The following GUCY1A2 variants were observed in gnomAD, a reference collection of about 807,000 sequenced individuals.
The protein encoded by GUCY1A2 is guanylate cyclase soluble subunit alpha-2.
A neutral mutation model predicts 63.5 loss-of-function variants in GUCY1A2; 27 were observed. That is an observed-to-expected ratio of 0.43 (90% CI 0.31 to 0.59). The LOEUF is 0.59. Ranked by LOEUF, GUCY1A2 falls within the 20% of genes least tolerant of loss-of-function variation. GUCY1A2 has a pLI of 0.11. For missense variants in GUCY1A2, 768 were observed against 913.3 expected, an observed-to-expected ratio of 0.84 and a Z score of 2.05; for synonymous variants, 364 against 343.5, an observed-to-expected ratio of 1.06 and a Z score of -0.66.
chr11:106,996,303 C>T (rs986250254), intron 1 of GUCY1A2, among the ~76,000 whole-genome samples: 3 of 152,118 alleles, frequency 2.0e-5, no homozygotes, highest in Non-Finnish European at 2.9e-5. Flanking sequence ...TGTTTAGGAG[C>T]ATATGGGCCC....
chr11:106,738,705 T>C (rs1023207955), intron 6 of GUCY1A2, among the ~76,000 whole-genome samples: 1 of 152,198 alleles, frequency 6.6e-6, no homozygotes, highest in Non-Finnish European at 1.5e-5. Context: ...TGGTGGTAGA[T>C]ATGTGGCAAT....
rs1862446946 is a variant in GUCY1A2 at position 106,682,401 on chromosome 11, C to G, written c.*5148G>C. 4.7e-6 allele frequency: 1 copy of G among 210,954 alleles called. No individual in the cohort carries two copies. The highest frequency in any genetic ancestry group is 9.6e-6 in the Non-Finnish European group (1 of 104,034). The allele number at this position is 210,954 out of a possible 1,614,324, so 13.1% of individuals were successfully genotyped here. ...ATTTTCTAAACACAGATTCCTAGGCCCTACCTGAGACCTACTGAATCCAAA... is the reference window on the plus strand; with the variant it reads ...ATTTTCTAAACACAGATTCCTAGGCGCTACCTGAGACCTACTGAATCCAAA... On this transcript the variant is annotated 3_prime_UTR_variant, in exon 8 of 8. Coordinates refer to ENST00000526355, the MANE Select transcript of GUCY1A2 (RefSeq NM_000855.3).
Position 106,776,434 on chromosome 11 carries a change from G to C in GUCY1A2, c.1836+5C>G. On this transcript the variant is annotated splice_donor_5th_base_variant and intron_variant, in intron 6 of 7. Transcript: ENST00000526355. ...CTACTCAAACTAGATTGTTGGGAGG[G>C]TTACCTGAATCGGTCTTCCATCAGG... 1.9e-6 allele frequency: 3 copies of C among 1,603,010 alleles called. No individual in the cohort carries two copies. Among genetic ancestry groups the C allele is most frequent in the African/African-American group, 2.7e-5 (2 of 74,848 alleles).
chr11:106,897,424 C>T (rs1860065844), intron 4 of GUCY1A2, among the ~76,000 whole-genome samples: 1 of 151,978 alleles, frequency 6.6e-6, no homozygotes, highest in Admixed American at 6.6e-5. Context: ...AGTTGGAGGA[C>T]TGACATTACC....
At chr11:106,730,237 C>T (rs182270215) in intron 6 of GUCY1A2, among the ~76,000 whole-genome samples, 3 of 151,398 alleles carry the variant, frequency 2.0e-5, no homozygotes, top group East Asian at 3.9e-4. Flanking sequence ...AAGCATAGTA[C>T]CTGATAGGTA....
chr11:106,968,283 C>T (rs879645701), intron 3 of GUCY1A2, among the ~76,000 whole-genome samples: 1 of 152,090 alleles, frequency 6.6e-6, no homozygotes, highest in Non-Finnish European at 1.5e-5. Context: ...TCTCGATGAT[C>T]CTACTGTACA....
chr11:106,983,959 T>C (rs1319820514), intron 2 of GUCY1A2, among the ~76,000 whole-genome samples: 2 of 152,186 alleles, frequency 1.3e-5, no homozygotes, highest in South Asian at 4.1e-4. Context: ...CACTTTTTAG[T>C]TCGAGGGTGA....
intron 3 of GUCY1A2, among the ~76,000 whole-genome samples, chr11:106,942,669 T>C (rs1275769130): frequency 3.3e-5 from 5 of 152,164 alleles, no homozygotes; most frequent in Non-Finnish European, 5.9e-5. Context: ...TTTCATAACA[T>C]TGAAAAGGTC....
Position 106,810,414 on chromosome 11 carries a change from G to A in GUCY1A2, c.1271C>T (p.Ser424Phe), listed in dbSNP as rs1411566688. The change falls in exon 5 of 8, where the codon TCT (serine) becomes TTT (phenylalanine). Residue 424 changes from serine (S) to phenylalanine (F), a missense_variant. Coordinates refer to ENST00000526355, the MANE Select transcript of GUCY1A2 (RefSeq NM_000855.3). ...TTCATCCAACTTGTCCACACATGGAGAGCCCAAAAATAAAATGGAATTTGA... is the reference window on the plus strand; with the variant it reads ...TTCATCCAACTTGTCCACACATGGAAAGCCCAAAAATAAAATGGAATTTGA... ...PESNSILFLG[S>F]PCVDKLDELM... 4 of 1,612,420 alleles carry A rather than the reference G, an allele frequency of 2.5e-6. No individual in the cohort carries two copies. Among genetic ancestry groups the A allele is most frequent in the Admixed American group, 1.7e-5 (1 of 59,668 alleles).
chr11:106,919,573 T>C (rs988582955), intron 4 of GUCY1A2, among the ~76,000 whole-genome samples: 2 of 152,014 alleles, frequency 1.3e-5, no homozygotes, highest in South Asian at 2.1e-4. Flanking sequence ...AAACTAACAA[T>C]AGACAATAAA....
chr11:106,956,798 T>A (rs552756022), intron 3 of GUCY1A2, among the ~76,000 whole-genome samples: 4 of 152,270 alleles, frequency 2.6e-5, no homozygotes, highest in Admixed American at 1.3e-4. Context: ...AATGAAGCAC[T>A]TTGTCCTTTG....
intron 6 of GUCY1A2, among the ~76,000 whole-genome samples, chr11:106,767,839 A>G (rs1864189871): frequency 6.6e-6 from 1 of 152,162 alleles, no homozygotes; most frequent in South Asian, 2.1e-4. Context: ...TCAGCACTAT[A>G]GCATCATGCC....
intron 4 of GUCY1A2, among the ~76,000 whole-genome samples, chr11:106,933,704 C>A (rs1450104448): frequency 1.3e-5 from 2 of 152,128 alleles, no homozygotes; most frequent in Non-Finnish European, 2.9e-5. Context: ...AGGTGCCCAT[C>A]AGTGGTGGAT....
chr11:106,934,821 C>T lies in GUCY1A2; in HGVS notation c.1206+4639G>A, dbSNP rs1347192414. Among the ~76,000 whole-genome samples, 4 of 152,098 alleles carry T rather than the reference C, an allele frequency of 2.6e-5. No individual in the cohort carries two copies. The East Asian group carries it at 7.7e-4, about 29-fold the overall frequency. On this transcript the variant is annotated intron_variant, in intron 4 of 7. Coordinates refer to ENST00000526355, the MANE Select transcript of GUCY1A2 (RefSeq NM_000855.3). Reference sequence around the variant, plus strand: ...TTCCTTCCAAGGTGCTATTAAAGTTCTCTCAAGTGATGCTACTAAAAAAAA... The same window carrying T: ...TTCCTTCCAAGGTGCTATTAAAGTTTTCTCAAGTGATGCTACTAAAAAAAA...
intron 6 of GUCY1A2, among the ~76,000 whole-genome samples, chr11:106,758,048 C>A (rs1006578261): frequency 1.3e-5 from 2 of 152,196 alleles, no homozygotes; most frequent in African/African-American, 2.4e-5. Flanking sequence ...ATATGCCCTG[C>A]CCACAGAGGT....
intron 4 of GUCY1A2, among the ~76,000 whole-genome samples, chr11:106,852,959 T>C (rs141826019): frequency 1.3e-5 from 2 of 152,296 alleles, no homozygotes; most frequent in African/African-American, 4.8e-5. Flanking sequence ...GCACTTGGAA[T>C]AGATCATTCT....
chr11:106,970,964 T>C (rs944059308), intron 3 of GUCY1A2, among the ~76,000 whole-genome samples: 2 of 152,056 alleles, frequency 1.3e-5, no homozygotes, highest in Non-Finnish European at 2.9e-5. Context: ...AAGGAGCCAG[T>C]GAAAAGGCTA....
At chr11:106,931,491 A>G (rs894096641) in intron 4 of GUCY1A2, among the ~76,000 whole-genome samples, 4 of 152,230 alleles carry the variant, frequency 2.6e-5, no homozygotes, top group Non-Finnish European at 4.4e-5. Flanking sequence ...AACAACTGCA[A>G]ATCAGTTCAA....
chr11:106,856,045 C>A (rs1859428793), intron 4 of GUCY1A2, among the ~76,000 whole-genome samples: 1 of 151,752 alleles, frequency 6.6e-6, no homozygotes, highest in South Asian at 2.1e-4. Context: ...CCCACCTCAG[C>A]CTCCCAAGTA....
Sources: gnomAD v4.1 joint callset for allele counts (sites outside exome capture counted in the v4.1 genomes callset) on GRCh38, gnomAD v4.1.1 for gene constraint, MANE v1.5 for transcripts, NCBI Gene and HGNC (gene_info 2026-07-23, HGNC 2026-07-21) for gene names.